The following OPCML variants were observed in gnomAD, a reference collection of about 807,000 sequenced individuals.
The protein encoded by OPCML is opioid-binding protein/cell adhesion molecule.
In OPCML, 13 loss-of-function variants were observed where a neutral mutation model predicts 37.8. The ratio of observed to expected loss-of-function variants is 0.34; its 90% CI spans 0.22 to 0.55. The LOEUF (loss-of-function observed/expected upper bound fraction) is 0.55. Ranked by LOEUF, OPCML falls within the 20% of genes least tolerant of loss-of-function variation. The pLI is 0.91. For synonymous variants in OPCML, 176 were observed against 168.8 expected (o/e 1.04, Z -0.33); for missense variants, 341 against 435.6 (o/e 0.78, Z 1.93).
At position 132,924,127 on chromosome 11, in the gene OPCML, A is replaced by ATGTGTGTG. The variant is rs10686395; in HGVS notation, c.146+18791_146+18798dup. Among the ~76,000 whole-genome samples, 1,285 of 149,832 alleles carry ATGTGTGTG rather than the reference A, an allele frequency of 8.6e-3. 26 individuals carry two copies. The highest frequency in any genetic ancestry group is 0.03 in the African/African-American group (1,215 of 40,622). The stretch of plus-strand genomic sequence containing the variant: ...TAACATCAACTGAGGAAAAAAAACT[A>ATGTGTGTG]TGTGTGTGTGTGTGTGTGTGTGTAT... On this transcript the variant is annotated intron_variant, in intron 2 of 7. Coordinates refer to ENST00000524381, the MANE Select transcript of OPCML (RefSeq NM_001012393.5).
Position 133,205,870 on chromosome 11 carries a change from A to G in OPCML, c.62-262860T>C, listed in dbSNP as rs1939040891. 6.6e-6 allele frequency among the ~76,000 whole-genome samples: 1 copy of G among 152,140 alleles called. No individual in the cohort carries two copies. Among genetic ancestry groups the G allele is most frequent in the African/African-American group, 2.4e-5 (1 of 41,436 alleles). ...CAACAAGCCAGGGTCAGGTCTTCCT[A>G]AGATGTCAGAGTGCAATGGCAAAGT... On this transcript the variant is annotated intron_variant, in intron 1 of 7. Coordinates refer to ENST00000524381, the MANE Select transcript of OPCML (RefSeq NM_001012393.5). This position sits in a 1 kb window ranked among gnomAD's most constrained non-coding sequence, Gnocchi z 4.8.
rs189783563 is a variant in OPCML at position 132,893,278 on chromosome 11, A to G, written c.146+49648T>C. Among the ~76,000 whole-genome samples, 26 of 152,284 alleles carry G rather than the reference A, an allele frequency of 1.7e-4. No homozygotes were observed. The East Asian group carries it at 5.0e-3, about 29-fold the overall frequency. On this transcript the variant is annotated intron_variant, in intron 2 of 7. Coordinates refer to ENST00000524381, the MANE Select transcript of OPCML (RefSeq NM_001012393.5). ...CTCCGTCTCAAAACAAAACAAAACA[A>G]AAAACCTCCAGGCCTAATCTTTCCA...
intron 1 of OPCML, among the ~76,000 whole-genome samples, chr11:133,388,422 G>A (rs76783815): frequency 0.026 from 3,914 of 152,232 alleles, 162 homozygotes; most frequent in African/African-American, 0.087. Context: ...GTCAGGGGAA[G>A]GAGGGCCTAT....
chr11:133,150,124 T>C (rs1211955478), intron 1 of OPCML, among the ~76,000 whole-genome samples: 2 of 152,226 alleles, frequency 1.3e-5, no homozygotes, highest in Non-Finnish European at 2.9e-5. Flanking sequence ...CCTTAAATAG[T>C]GGTCTTGGGA....
Position 133,141,018 on chromosome 11 carries a change from C to CGAA in OPCML, c.62-198009_62-198008insTTC, listed in dbSNP as rs1321520087. On this transcript the variant is annotated intron_variant, in intron 1 of 7. Transcript: ENST00000524381. ...AAGAAGACGACGACGACGACGACGA[C>CGAA]GACGACGACGACGACGACGACGACG... Among the ~76,000 whole-genome samples the CGAA allele has an allele frequency of 1.8e-3, 20 of 11,034 alleles. 4 individuals are homozygous for CGAA. The highest frequency in any genetic ancestry group is 2.6e-3 in the African/African-American group (14 of 5,486). 7.2% of individuals were successfully genotyped at this position (11,034 alleles called of 152,430 possible).
At chr11:132,557,436 C>A (rs2096398310) in intron 3 of OPCML, among the ~76,000 whole-genome samples, 3 of 152,344 alleles carry the variant, frequency 2.0e-5, no homozygotes, top group Admixed American at 1.3e-4. Flanking sequence ...AGAAGCCTTA[C>A]TCTGTCGGTG....
chr11:133,531,414 C>A (rs374498122), intron 1 of OPCML, among the ~76,000 whole-genome samples: 1 of 152,156 alleles, frequency 6.6e-6, no homozygotes, highest in Non-Finnish European at 1.5e-5. Flanking sequence ...GGGGAAGGGG[C>A]TGGGGAGAAT....
chr11:132,776,915 T>C (rs758950248), intron 2 of OPCML, among the ~76,000 whole-genome samples: 2 of 151,906 alleles, frequency 1.3e-5, no homozygotes, highest in Non-Finnish European at 2.9e-5. Flanking sequence ...TTTCCCTCTA[T>C]CAAAGGCCAG....
At chr11:132,952,104 G>A (rs753078777) in intron 1 of OPCML, among the ~76,000 whole-genome samples, 4 of 152,220 alleles carry the variant, frequency 2.6e-5, no homozygotes, top group Non-Finnish European at 5.9e-5. Flanking sequence ...AATATAAAGT[G>A]AGAAGCCTGG....
intron 1 of OPCML, among the ~76,000 whole-genome samples, chr11:133,354,678 T>G (rs1187726136): frequency 6.6e-6 from 1 of 152,194 alleles, no homozygotes; most frequent in Non-Finnish European, 1.5e-5. Context: ...CTCAATATTT[T>G]GAGTGTTATG....
At chr11:132,435,532 G>A (rs2136732743) in intron 7 of OPCML, among the ~76,000 whole-genome samples, 1 of 152,328 alleles carries the variant, frequency 6.6e-6, no homozygotes, top group South Asian at 2.1e-4. Context: ...AAGGAGGTCA[G>A]TCCTGGCTCC....
At chr11:132,898,578 G>A (rs1375429769) in intron 2 of OPCML, among the ~76,000 whole-genome samples, 3 of 152,136 alleles carry the variant, frequency 2.0e-5, no homozygotes, top group Admixed American at 6.5e-5. Context: ...CTGGGGCAAG[G>A]TTTTCCAGAA....
intron 1 of OPCML, chr11:133,420,446 A>C: frequency 1.0e-6 from 1 of 985,214 alleles, no homozygotes; most frequent in South Asian, 4.7e-5. Flanking sequence ...TTTGTTTTCA[A>C]TTTTTGTTTT....
chr11:133,117,102 C>T (rs1268566752), intron 1 of OPCML, among the ~76,000 whole-genome samples: 2 of 151,958 alleles, frequency 1.3e-5, no homozygotes, highest in African/African-American at 4.8e-5. Context: ...TGTTAAAAAC[C>T]ATTTAAAAAA....
At chr11:133,257,018 G>A (rs972050082) in intron 1 of OPCML, among the ~76,000 whole-genome samples, 1 of 152,162 alleles carries the variant, frequency 6.6e-6, no homozygotes, top group East Asian at 1.9e-4. Flanking sequence ...TTTCTATGGG[G>A]TAAACACTAC....
chr11:133,407,088 C>T (rs1013732823), intron 1 of OPCML, among the ~76,000 whole-genome samples: 1 of 152,160 alleles, frequency 6.6e-6, no homozygotes, highest in African/African-American at 2.4e-5. Context: ...GTATATTTCT[C>T]CCCTCTAGGT....
chr11:132,808,188 A>G (rs1356875120), intron 2 of OPCML, among the ~76,000 whole-genome samples: 3 of 152,222 alleles, frequency 2.0e-5, no homozygotes, highest in Non-Finnish European at 4.4e-5. Context: ...CAGCTTAGAG[A>G]AGGTAGGCCA....
chr11:132,843,908 T>C (rs1395811171), intron 2 of OPCML, among the ~76,000 whole-genome samples: 1 of 152,230 alleles, frequency 6.6e-6, no homozygotes, highest in African/African-American at 2.4e-5. Context: ...AAGTGGTTGA[T>C]ATGGTTTGGC....
At chr11:133,090,027 T>C (rs111570324) in intron 1 of OPCML, among the ~76,000 whole-genome samples, 13 of 152,298 alleles carry the variant, frequency 8.5e-5, no homozygotes, top group African/African-American at 3.1e-4. Flanking sequence ...ACAAGGACTG[T>C]CTCCTTGATG....
Sources: allele counts gnomAD v4.1 joint callset (sites outside exome capture counted in the v4.1 genomes callset), GRCh38; gene constraint gnomAD v4.1.1; non-coding constraint Gnocchi (gnomAD v3.1); transcripts MANE v1.5; gene names NCBI Gene and HGNC (gene_info 2026-07-23, HGNC 2026-07-21).